STARD13: variants seen among roughly 807,000 people sequenced by gnomAD.
STARD13 encodes the protein StAR related lipid transfer domain containing 13.
A neutral mutation model predicts 106.4 loss-of-function variants in STARD13; 62 were observed. The observed-to-expected ratio is 0.58, with a 90% CI of 0.48 to 0.72. STARD13 has a LOEUF of 0.72. STARD13 is among the 30% of genes least tolerant of loss of function. The probability of loss-of-function intolerance (pLI) is 0.00; values close to 1 mark genes in which losing one functional copy is unlikely to be tolerated. For synonymous variants in STARD13, 565 were observed against 553.0 expected, an observed-to-expected ratio of 1.02 and a Z score of -0.31; for missense variants, 1,387 against 1,424.0, an observed-to-expected ratio of 0.97 and a Z score of 0.42.
the STARD13 span, among the ~76,000 whole-genome samples, chr13:33,625,622 C>T: frequency 8.6e-5 from 13 of 152,032 alleles, no homozygotes; most frequent in African/African-American, 2.9e-4. Flanking sequence ...GTCTGGCCTT[C>T]CACAGAAAAT....
chr13:33,645,249 T>G, the STARD13 span, among the ~76,000 whole-genome samples: 1 of 152,146 alleles, frequency 6.6e-6, no homozygotes, highest in Non-Finnish European at 1.5e-5. Flanking sequence ...GAGACCTCCA[T>G]GTACAAAGGC....
chr13:33,290,425 C>G (rs1448066467), upstream of STARD13, among the ~76,000 whole-genome samples: 10 of 152,210 alleles, frequency 6.6e-5, no homozygotes, highest in Non-Finnish European at 1.5e-5. Context: ...GTGTGCCCAA[C>G]TCTGTGCCAA....
At chr13:33,526,527 AC>A in the STARD13 span, among the ~76,000 whole-genome samples, 1 of 151,984 alleles carries the variant, frequency 6.6e-6, no homozygotes, top group African/African-American at 2.4e-5. Flanking sequence ...GTTTTAGTTG[AC>A]TTTTGTAGCC....
chr13:33,165,298 G>T (rs1566040294), intron 3 of STARD13, 39 bp downstream of exon 3: 4 of 1,470,912 alleles, frequency 2.7e-6, no homozygotes, highest in Non-Finnish European at 3.8e-6. Context: ...GTTGCAGACT[G>T]AACAGTGGAA....
chr13:33,339,544 C>G (rs550976135), intron 1 of STARD13, among the ~76,000 whole-genome samples: 1 of 152,304 alleles, frequency 6.6e-6, no homozygotes, highest in African/African-American at 2.4e-5. Context: ...GCTTCCACCC[C>G]TTTCCCACCT....
In STARD13 at chr13:33,127,485, G is replaced by T. The variant is rs768679626; in HGVS notation, c.1810C>A (p.His604Asn). ...TGGCTGGCCGTCTGGCTGCTGATGT[G>T]GGGCGATGCTGGGGCCGGCCGGGGC... ...HQPRPAPASP[H>N]ISSQTASQLS... The change falls in exon 6 of 14, where the codon CAC becomes AAC. Residue 604 changes from histidine (H) to asparagine (N), a missense_variant. Physicochemically the swap from His to Asn is moderately conservative, Grantham distance 68 (BLOSUM62 1). Coordinates refer to ENST00000336934, the MANE Select transcript of STARD13 (RefSeq NM_178006.4). 2.1e-5 allele frequency: 33 copies of T among 1,594,556 alleles called. No homozygotes were observed. Among genetic ancestry groups the T allele is most frequent in the Non-Finnish European group, 2.8e-5 (33 of 1,175,784 alleles).
intron 1 of STARD13, among the ~76,000 whole-genome samples, chr13:33,248,860 T>G (rs1889960662): frequency 6.6e-6 from 1 of 152,210 alleles, no homozygotes; most frequent in Admixed American, 6.5e-5. Flanking sequence ...CTCCCTGGTC[T>G]TAGATTTTAG....
At chr13:33,211,829 G>GTGTA (rs1555248561) in intron 1 of STARD13, among the ~76,000 whole-genome samples, 19 of 64,892 alleles carry the variant, frequency 2.9e-4, no homozygotes, top group African/African-American at 1.2e-3. Context: ...GTGTGTGTAT[G>GTGTA]TGTGTGTGTG....
At chr13:33,456,165 G>A in the STARD13 span, among the ~76,000 whole-genome samples, 1 of 152,022 alleles carries the variant, frequency 6.6e-6, no homozygotes, top group Admixed American at 6.6e-5. Flanking sequence ...CAGACTGGGT[G>A]GCTTAAACGA....
intron 1 of STARD13, among the ~76,000 whole-genome samples, chr13:33,247,584 G>A (rs1301173264): frequency 6.6e-6 from 1 of 151,902 alleles, no homozygotes; most frequent in African/African-American, 2.4e-5. Context: ...TTTGCAATTT[G>A]CTGTATATAT....
chr13:33,629,768 G>A, the STARD13 span, among the ~76,000 whole-genome samples: 4 of 152,136 alleles, frequency 2.6e-5, no homozygotes, highest in Admixed American at 6.5e-5. Flanking sequence ...TTTTTGAACT[G>A]TCAAGAGCCA....
intron 1 of STARD13, among the ~76,000 whole-genome samples, chr13:33,175,231 G>C (rs1298564504): frequency 1.3e-5 from 2 of 152,080 alleles, no homozygotes; most frequent in Non-Finnish European, 1.5e-5. Context: ...CCAATCAGGC[G>C]CTTGTGGTAT....
chr13:33,172,684 C>T (rs1566047488), intron 1 of STARD13, among the ~76,000 whole-genome samples: 3 of 152,176 alleles, frequency 2.0e-5, no homozygotes, highest in Admixed American at 6.5e-5. Flanking sequence ...TTTTTCTCAG[C>T]ATAGCAAATA....
rs796905467 is a variant in STARD13, at chr13:33,117,937, A to G, written c.2281+128T>C. ...AGCAAAAGTTACTTCCGTAGAGGAG[A>G]GCAGGATTACATACATCTTTATGGA... On this transcript the variant is annotated intron_variant, in intron 8 of 13. Coordinates refer to ENST00000336934, the MANE Select transcript of STARD13 (RefSeq NM_178006.4). The G allele has an allele frequency of 1.1e-5, 16 of 1,486,406 alleles. No homozygotes were observed. In the African/African-American group the frequency reaches 2.2e-4, roughly 21 times the overall value. The allele number at this position is 1,486,406 out of a possible 1,614,324, so 92.1% of individuals were successfully genotyped here.
the STARD13 span, among the ~76,000 whole-genome samples, chr13:33,479,290 C>T: frequency 5.3e-5 from 8 of 152,142 alleles, no homozygotes; most frequent in African/African-American, 1.2e-4. Context: ...AATGCAAACA[C>T]GGCATAACCC....
chr13:33,211,011 T>C (rs1355302718), intron 1 of STARD13, among the ~76,000 whole-genome samples: 2 of 152,172 alleles, frequency 1.3e-5, no homozygotes, highest in African/African-American at 2.4e-5. Flanking sequence ...TCACTGGAAA[T>C]GTACCATACG....
chr13:33,181,169 C>T (rs1885191696), intron 1 of STARD13, among the ~76,000 whole-genome samples: 1 of 152,040 alleles, frequency 6.6e-6, no homozygotes, highest in Non-Finnish European at 1.5e-5. Flanking sequence ...AGGCCTAAGG[C>T]ATATCAGCTT....
the STARD13 span, chr13:33,610,913 G>A: frequency 6.6e-6 from 1 of 152,272 alleles, no homozygotes; most frequent in Non-Finnish European, 1.5e-5. Context: ...AGTGTGCATG[G>A]AAGGGCACAG....
rs559034701 is a variant in STARD13 at position 33,193,633 on chromosome 13, GACAT to G, written c.170-26015_170-26012del. Reference sequence around the variant, plus strand: ...GCGACAGTGTCAGGATTCAAACCCAGACATACAGAAGCCCAATGCCTCCCACCTT... The same window carrying G: ...GCGACAGTGTCAGGATTCAAACCCAGACAGAAGCCCAATGCCTCCCACCTT... On this transcript the variant is annotated intron_variant, in intron 1 of 13. Transcript: ENST00000336934. Among the ~76,000 whole-genome samples, 355 of 152,274 alleles carry G rather than the reference GACAT, an allele frequency of 2.3e-3. 1 individual carries two copies. The highest frequency in any genetic ancestry group is 0.014 in the Middle Eastern group (4 of 294).
Sources: allele counts gnomAD v4.1 joint callset (sites outside exome capture counted in the v4.1 genomes callset), GRCh38; gene constraint gnomAD v4.1.1; transcripts MANE v1.5; gene names NCBI Gene and HGNC (gene_info 2026-07-23, HGNC 2026-07-21).